The following ALDH3A2 variants were observed in gnomAD, a reference collection of about 807,000 sequenced individuals.
The protein encoded by ALDH3A2 is aldehyde dehydrogenase family 3 member A2.
ALDH3A2 carries 36 observed loss-of-function variants against 51.3 expected under a neutral mutation model. The ratio of observed to expected loss-of-function variants is 0.70; its 90% confidence interval spans 0.54 to 0.93. ALDH3A2 has a LOEUF of 0.93. Among genes scored for constraint, ALDH3A2 ranks in the 40% least tolerant of loss-of-function variants. ALDH3A2 has a pLI of 0.00. For synonymous variants in ALDH3A2, 199 were observed against 219.8 expected, an observed-to-expected ratio of 0.91 and a Z score of 0.84; for missense variants, 552 against 603.1, an observed-to-expected ratio of 0.92 and a Z score of 0.89.
At position 19,661,248 on chromosome 17, in the gene ALDH3A2, A is replaced by G. The variant is rs1457457808; in HGVS notation, c.920A>G (p.Asp307Gly). ...GQKIAFGGET[D>G]EATRYIAPTV... ...AAGATAGCTTTTGGTGGGGAGACTGATGAGGCCACACGCTACATAGGTAAT... is the reference window on the plus strand; with the variant it reads ...AAGATAGCTTTTGGTGGGGAGACTGGTGAGGCCACACGCTACATAGGTAAT... The change falls in exon 6 of 10, where the codon GAT becomes GGT. Residue 307 changes from aspartate to glycine, a missense_variant. Coordinates refer to ENST00000176643, the MANE Select transcript of ALDH3A2 (RefSeq NM_000382.3). The G allele has an allele frequency of 2.5e-6, 4 of 1,614,036 alleles. No homozygotes were observed. The highest frequency in any genetic ancestry group is 1.3e-5 in the African/African-American group (1 of 74,916).
At chr17:19,656,341 G>A (rs1314865128) in intron 3 of ALDH3A2, 25 bp from the exon 4 acceptor site, 11 of 1,582,790 alleles carry the variant, frequency 6.9e-6, no homozygotes, top group Non-Finnish European at 8.7e-6. Flanking sequence ...GGCAGTGCAA[G>A]AGTTTGTGTT....
At chr17:19,673,211 C>T (rs763013782) in intron 9 of ALDH3A2, 32 of 1,613,974 alleles carry the variant, frequency 2.0e-5, no homozygotes, top group South Asian at 1.2e-4. Flanking sequence ...TCACAGACTG[C>T]GTTGGTCCAG....
chr17:19,654,203 A>G lies in ALDH3A2; in HGVS notation c.471+1571A>G, dbSNP rs539752543. Among the ~76,000 whole-genome samples the G allele has an allele frequency of 4.1e-4, 63 of 152,350 alleles. No individual in the cohort carries two copies. The highest frequency in any genetic ancestry group is 1.4e-3 in the African/African-American group (60 of 41,600). ...CATATACAATCCTCCGGCTAGACAT[A>G]AAAGTTCTCTAAGTCCCCACCCGAC... On this transcript the variant is annotated intron_variant, in intron 3 of 9. Transcript: ENST00000176643. This position sits in a 1 kb window ranked among gnomAD's most constrained non-coding sequence, Gnocchi z 4.5.
intron 8 of ALDH3A2, among the ~76,000 whole-genome samples, chr17:19,668,966 CTTTTCTTTTCTT>C (rs149750446): frequency 0.07 from 5,482 of 78,798 alleles, 1,068 homozygotes; most frequent in African/African-American, 0.19. Context: ...TCCTTTTCTT[CTTTTCTTTTCTT>C]TTTTCTTTTC....
At chr17:19,667,774 G>A (rs1301926919) in intron 8 of ALDH3A2, among the ~76,000 whole-genome samples, 1 of 152,082 alleles carries the variant, frequency 6.6e-6, no homozygotes, top group Admixed American at 6.6e-5. Context: ...AGCCAGCCTG[G>A]TCTCAAACTC....
chr17:19,649,478 CTTTCT>C (rs142180209), intron 1 of ALDH3A2: 81,833 of 195,368 alleles, frequency 0.42, 18,717 homozygotes, highest in African/African-American at 0.52. Context: ...CTTTGGGTTT[CTTTCT>C]TTTCTTTTTT....
rs964170732 is a variant in ALDH3A2 at position 19,648,863 on chromosome 17, A to AC, written c.-103dup. 28 of 1,388,832 alleles carry AC rather than the reference A, an allele frequency of 2.0e-5. No homozygotes were observed. In the Admixed American group the frequency reaches 2.0e-4, roughly 10 times the overall value. The allele number at this position is 1,388,832 out of a possible 1,614,324, so 86.0% of individuals were successfully genotyped here. On this transcript the variant is annotated 5_prime_UTR_variant, in exon 1 of 10. Transcript: ENST00000176643. ...GTGGCTGTGGGTTGACGGTGGAGAC[A>AC]CCCCCCGGAGGGAGGCGGAGGGAAG...
intron 8 of ALDH3A2, 35 bp downstream of exon 8, chr17:19,665,082 T>G: frequency 6.4e-7 from 1 of 1,553,360 alleles, no homozygotes; most frequent in Non-Finnish European, 8.9e-7. Context: ...TAGTAGATAT[T>G]TCAAAAGCAC....
intron 9 of ALDH3A2, chr17:19,673,386 G>T (rs1344472835): frequency 4.2e-6 from 5 of 1,194,558 alleles, no homozygotes; most frequent in Admixed American, 2.9e-5. Flanking sequence ...TTTTATTTTT[G>T]TTTTTTTTTT....
At chr17:19,649,746 T>G (rs1037209775) in intron 1 of ALDH3A2, 1 of 152,348 alleles carries the variant, frequency 6.6e-6, no homozygotes, top group African/African-American at 2.4e-5. Flanking sequence ...CACCTGGGGA[T>G]CTTGTTAAAA....
At position 19,654,191 on chromosome 17, in the gene ALDH3A2, C is replaced by T. The variant is rs1412140854; in HGVS notation, c.471+1559C>T. 6.6e-6 allele frequency among the ~76,000 whole-genome samples: 1 copy of T among 152,264 alleles called. No homozygotes were observed. Among genetic ancestry groups the T allele is most frequent in the Non-Finnish European group, 1.5e-5 (1 of 68,052 alleles). On this transcript the variant is annotated intron_variant, in intron 3 of 9. Coordinates refer to ENST00000176643, the MANE Select transcript of ALDH3A2 (RefSeq NM_000382.3). This position sits in a 1 kb window ranked among gnomAD's most constrained non-coding sequence, Gnocchi z 4.5. ...TGCTGATTGGTGCATATACAATCCT[C>T]CGGCTAGACATAAAAGTTCTCTAAG...
In ALDH3A2 at chr17:19,671,854, G is replaced by A; in HGVS notation, c.1341G>A (p.Lys447=). ...KLRYPPNSQS[K]VDWGKFFLLK... is the part of the protein sequence containing the mutation. ...GATATCCTCCCAACAGCCAGTCAAA[G>A]GTGGATTGGGGAAAATTTTTTCTCT... The change falls in exon 9 of 10, where the codon AAG becomes AAA. Residue 447 remains lysine, a synonymous_variant. Coordinates refer to ENST00000176643, the MANE Select transcript of ALDH3A2 (RefSeq NM_000382.3). The A allele has an allele frequency of 3.1e-6, 5 of 1,614,194 alleles. No individual in the cohort carries two copies. The highest frequency in any genetic ancestry group is 4.2e-6 in the Non-Finnish European group (5 of 1,180,026).
At position 19,651,755 on chromosome 17, in the gene ALDH3A2, C is replaced by T. The variant is rs72547560; in HGVS notation, c.362C>T (p.Pro121Leu). 1 of 1,614,146 alleles carries T rather than the reference C, an allele frequency of 6.2e-7. No homozygotes were observed. The highest frequency in any genetic ancestry group is 8.5e-7 in the Non-Finnish European group (1 of 1,180,010). Residue 121 changes from proline (P) to leucine (L), a missense_variant, in exon 2 of 10, where the codon CCA (proline) becomes CTA (leucine). Coordinates refer to ENST00000176643, the MANE Select transcript of ALDH3A2 (RefSeq NM_000382.3). ...WNYPFVLTIQ[P>L]LIGAIAAGNA... ...TACCCCTTCGTTCTCACCATTCAGCCACTGATAGGAGCCATCGCTGCAGGT... is the reference window on the plus strand; with the variant it reads ...TACCCCTTCGTTCTCACCATTCAGCTACTGATAGGAGCCATCGCTGCAGGT...
Position 19,675,853 on chromosome 17 carries a change from CA to C in ALDH3A2, c.*284del, listed in dbSNP as rs912198325. ...GGAGGAGAATGTATTAGACTAAATACAAACTGCGGGGTTGTAAGGGAGTCTC... is the reference window on the plus strand; with the variant it reads ...GGAGGAGAATGTATTAGACTAAATACAACTGCGGGGTTGTAAGGGAGTCTC... On this transcript the variant is annotated 3_prime_UTR_variant, in exon 10 of 10. Coordinates refer to ENST00000176643, the MANE Select transcript of ALDH3A2 (RefSeq NM_000382.3). The C allele has an allele frequency of 2.1e-5, 10 of 471,226 alleles. No homozygotes were observed. In the Admixed American group the frequency reaches 3.4e-4, roughly 16 times the overall value. The allele number at this position is 471,226 out of a possible 1,614,324, so 29.2% of individuals were successfully genotyped here.
intron 8 of ALDH3A2, 71 bp from the exon 9 acceptor site, chr17:19,671,650 G>C: frequency 7.4e-7 from 1 of 1,356,570 alleles, no homozygotes; most frequent in Non-Finnish European, 1.1e-6. Flanking sequence ...GAGCTTTCCC[G>C]GTCGTTGTTA....
At chr17:19,663,735 G>C (rs2084999398) in intron 7 of ALDH3A2, among the ~76,000 whole-genome samples, 1 of 152,132 alleles carries the variant, frequency 6.6e-6, no homozygotes, top group South Asian at 2.1e-4. Context: ...GAGTCTGCAG[G>C]GTTGAGTGTC....
At chr17:19,662,218 A>G (rs2084975497) in intron 6 of ALDH3A2, 1 of 152,158 alleles carries the variant, frequency 6.6e-6, no homozygotes, top group Non-Finnish European at 1.5e-5. Flanking sequence ...TAGCTTATAG[A>G]CTAATTAGGA....
chr17:19,651,255 TA>T (rs1036610607), intron 1 of ALDH3A2, among the ~76,000 whole-genome samples: 1 of 152,256 alleles, frequency 6.6e-6, no homozygotes, highest in African/African-American at 2.4e-5. Flanking sequence ...AGGTAATATT[TA>T]AGCCTGGCTT....
chr17:19,676,566 T>C lies in ALDH3A2; in HGVS notation c.*994T>C, dbSNP rs2085193198. On this transcript the variant is annotated 3_prime_UTR_variant, in exon 10 of 10. Transcript: ENST00000176643. ...TGCTTAGGAGGCTGAAGCAGGAGGA[T>C]TGATTGAGCCTGCGAGGCCAAGGCT... 1 of 152,086 alleles carries C rather than the reference T, an allele frequency of 6.6e-6. No homozygotes were observed. Among genetic ancestry groups the C allele is most frequent in the Admixed American group, 6.6e-5 (1 of 15,260 alleles). The allele number at this position is 152,086 out of a possible 1,614,324, so 9.4% of individuals were successfully genotyped here. A position where few individuals can be genotyped will look rare whatever the true frequency, so the allele number is the denominator to read the frequency against.
Sources: gnomAD v4.1 joint callset for allele counts (sites outside exome capture counted in the v4.1 genomes callset) on GRCh38, gnomAD v4.1.1 for gene constraint, Gnocchi (gnomAD v3.1) non-coding constraint, MANE v1.5 for transcripts, NCBI Gene and HGNC (gene_info 2026-07-23, HGNC 2026-07-21) for gene names.